The following IPO11 variants were observed in gnomAD, a reference collection of about 807,000 sequenced individuals.
IPO11 encodes the protein importin-11.
A neutral mutation model predicts 143.2 loss-of-function variants in IPO11; 66 were observed. The observed-to-expected ratio is 0.46, with a 90% confidence interval of 0.38 to 0.57. The LOEUF is 0.57. IPO11 is among the 20% of genes least tolerant of loss of function. IPO11 has a pLI of 0.00. For synonymous variants in IPO11, 385 were observed against 377.8 expected (o/e 1.02, Z -0.22); for missense variants, 1,026 against 1,141.0 (o/e 0.90, Z 1.45).
intron 19 of IPO11, among the ~76,000 whole-genome samples, chr5:62,510,150 C>G (rs1445424876): frequency 1.3e-5 from 2 of 152,144 alleles, no homozygotes; most frequent in African/African-American, 4.8e-5. Context: ...TCCCTAATGA[C>G]TGCAAAAACT....
chr5:62,542,279 A>G (rs983361037), intron 24 of IPO11, among the ~76,000 whole-genome samples: 1 of 152,068 alleles, frequency 6.6e-6, no homozygotes, highest in African/African-American at 2.4e-5. Flanking sequence ...CAGAAACTAG[A>G]TTTTATTATT....
rs531731792 is a variant in IPO11, at chr5:62,616,920, A to G, written c.2764-10234A>G. On this transcript the variant is annotated intron_variant, in intron 29 of 29. Coordinates refer to ENST00000325324, the MANE Select transcript of IPO11 (RefSeq NM_016338.5). ...ATTGATACACCATTTGATGAAATCA[A>G]ATTTTTGAAAGAGATTGAGGACACT... 6.4e-4 allele frequency among the ~76,000 whole-genome samples: 98 copies of G among 152,242 alleles called. 2 individuals carry two copies. Among genetic ancestry groups the G allele is most frequent in the Admixed American group, 6.3e-3 (97 of 15,286 alleles).
intron 1 of IPO11, among the ~76,000 whole-genome samples, chr5:62,425,952 C>G (rs536975138): frequency 6.6e-6 from 1 of 152,298 alleles, no homozygotes; most frequent in South Asian, 2.1e-4. Flanking sequence ...ATAGACATGA[C>G]TATTTGGAGC....
intron 29 of IPO11, among the ~76,000 whole-genome samples, chr5:62,621,103 A>C (rs966952417): frequency 6.6e-6 from 1 of 152,196 alleles, no homozygotes. Context: ...CCTAGGAAAA[A>C]GAGTAAAAGA....
At chr5:62,497,135 C>T (rs1741184135) in intron 16 of IPO11, among the ~76,000 whole-genome samples, 1 of 152,148 alleles carries the variant, frequency 6.6e-6, no homozygotes, top group Non-Finnish European at 1.5e-5. Context: ...TACCGTTGTC[C>T]ATGTGCTATT....
chr5:62,569,608 C>G (rs1464790221), intron 27 of IPO11, among the ~76,000 whole-genome samples: 1 of 152,130 alleles, frequency 6.6e-6, no homozygotes, highest in African/African-American at 2.4e-5. Context: ...AGTGAAGTAA[C>G]AAGGGGAGGG....
chr5:62,491,942 T>G (rs1346269473), intron 15 of IPO11, among the ~76,000 whole-genome samples: 2 of 152,112 alleles, frequency 1.3e-5, no homozygotes, highest in Non-Finnish European at 2.9e-5. Flanking sequence ...AGAATAAGAT[T>G]TTGTTTCTTT....
intron 9 of IPO11, among the ~76,000 whole-genome samples, chr5:62,478,892 A>G (rs978038758): frequency 9.2e-5 from 14 of 152,326 alleles, no homozygotes; most frequent in African/African-American, 3.1e-4. Flanking sequence ...GTATTGTATG[A>G]CGTGCACACA....
At chr5:62,442,932 T>C (rs1040169355) in intron 2 of IPO11, 51 bp from the exon 3 acceptor site, 10 of 1,013,676 alleles carry the variant, frequency 9.9e-6, no homozygotes, top group Non-Finnish European at 1.5e-5. Flanking sequence ...ACATTAATTA[T>C]ACTTTTTACT....
chr5:62,536,987 AT>A (rs1013986019), intron 23 of IPO11, among the ~76,000 whole-genome samples: 1 of 151,914 alleles, frequency 6.6e-6, no homozygotes, highest in African/African-American at 2.4e-5. Flanking sequence ...ATGTCAACAA[AT>A]TTTTTTTATA....
chr5:62,489,358 A>T lies in IPO11; in HGVS notation c.1357+9A>T. 5 of 1,546,088 alleles carry T rather than the reference A, an allele frequency of 3.2e-6. No homozygotes were observed. The highest frequency in any genetic ancestry group is 2.6e-6 in the Non-Finnish European group (3 of 1,138,034). The stretch of plus-strand genomic sequence containing the variant: ...GTTAATCAAAGATGCTGGTATGTTA[A>T]ACTTAAGTGATTTAGAAGCATTTAT... On this transcript the variant is annotated intron_variant, in intron 14 of 29. Coordinates refer to ENST00000325324, the MANE Select transcript of IPO11 (RefSeq NM_016338.5).
chr5:62,508,753 C>G (rs887531690), intron 19 of IPO11, among the ~76,000 whole-genome samples: 2 of 152,092 alleles, frequency 1.3e-5, no homozygotes, highest in African/African-American at 4.8e-5. Flanking sequence ...TCCCCCAGCC[C>G]CGCACCACTC....
At position 62,579,541 on chromosome 5, in the gene IPO11, G is replaced by A. The variant is rs905867110; in HGVS notation, c.2583-12036G>A. ...CAAAGAAATACTTGGATGTTCGTCT[G>A]TTTGTCAGCTCTGCACTGGGAGACA... is the stretch of plus-strand genomic sequence containing the variant. On this transcript the variant is annotated intron_variant, in intron 27 of 29. Transcript: ENST00000325324. The A allele has an allele frequency of 1.9e-6, 3 of 1,550,982 alleles. No individual in the cohort carries two copies. The African/African-American group carries it at 4.1e-5, about 21-fold the overall frequency.
intron 28 of IPO11, among the ~76,000 whole-genome samples, chr5:62,598,426 TTCTTTCTCTCTCTCTC>T (rs1745328944): frequency 2.7e-4 from 1 of 3,744 alleles, no homozygotes; most frequent in African/African-American, 4.7e-3. Context: ...CTTTCTTTCT[TTCTTTCTCTCTCTCTC>T]TCTCTCTCTC....
At chr5:62,580,927 G>GA (rs1744531412) in intron 27 of IPO11, 2 of 1,550,586 alleles carry the variant, frequency 1.3e-6, no homozygotes, top group Middle Eastern at 3.3e-4. Context: ...CTTGAACTTG[G>GA]AAAAAAACAG....
chr5:62,569,082 C>A (rs149812610), intron 27 of IPO11, among the ~76,000 whole-genome samples: 1 of 152,080 alleles, frequency 6.6e-6, no homozygotes, highest in African/African-American at 2.4e-5. Context: ...GAAGGAATTT[C>A]TCTTTGTGCT....
In IPO11 at chr5:62,474,475, T is replaced by G. The variant is rs776290688; in HGVS notation, c.757+11T>G. On this transcript the variant is annotated intron_variant, in intron 8 of 29. Transcript: ENST00000325324. ...AGTTTCTGGAATGCAGTAAGTACTT[T>G]CGTTGCAGTCCTTTTTACTGTAGAA... The G allele has an allele frequency of 3.5e-5, 55 of 1,569,420 alleles. No individual in the cohort carries two copies. Among genetic ancestry groups the G allele is most frequent in the Non-Finnish European group, 4.7e-5 (55 of 1,159,118 alleles).
intron 20 of IPO11, among the ~76,000 whole-genome samples, chr5:62,517,067 G>A (rs577038452): frequency 1.3e-3 from 203 of 152,036 alleles, no homozygotes; most frequent in African/African-American, 4.6e-3. Flanking sequence ...GCGTGGTGGC[G>A]GGTGCCTGTA....
intron 28 of IPO11, among the ~76,000 whole-genome samples, chr5:62,598,519 TTTCTTTCTTTTCTTTC>T (rs1561380870): frequency 2.9e-4 from 2 of 6,866 alleles, no homozygotes; most frequent in Admixed American, 2.7e-3. Context: ...TCTTTCTTTC[TTTCTTTCTTTTCTTTC>T]TTTTCTTTCT....
Sources: gnomAD v4.1 joint callset for allele counts (sites outside exome capture counted in the v4.1 genomes callset) on GRCh38, gnomAD v4.1.1 for gene constraint, MANE v1.5 for transcripts, NCBI Gene and HGNC (gene_info 2026-07-23, HGNC 2026-07-21) for gene names.